The following SLC20A2 variants were observed in gnomAD, a reference collection of about 807,000 sequenced individuals.
SLC20A2 encodes the protein sodium-dependent phosphate transporter 2.
In SLC20A2, 30 loss-of-function variants were observed where a neutral mutation model predicts 61.0. That is an observed-to-expected ratio of 0.49 (90% CI 0.37 to 0.67). The LOEUF (loss-of-function observed/expected upper bound fraction) is 0.67, where lower values mean the gene tolerates loss of function less well. SLC20A2 is among the 30% of genes least tolerant of loss of function. The pLI is 0.00. For synonymous variants in SLC20A2, 351 were observed against 353.3 expected (o/e 0.99, Z 0.07); for missense variants, 626 against 866.4 (o/e 0.72, Z 3.48).
intron 1 of SLC20A2, among the ~76,000 whole-genome samples, chr8:42,488,832 T>C (rs991175964): frequency 1.3e-5 from 2 of 152,216 alleles, no homozygotes; most frequent in African/African-American, 4.8e-5. Context: ...CACATGCTTG[T>C]TGGCCATGTG....
intron 1 of SLC20A2, among the ~76,000 whole-genome samples, chr8:42,526,381 A>G (rs1397727818): frequency 6.6e-6 from 1 of 152,096 alleles, no homozygotes; most frequent in Non-Finnish European, 1.5e-5. Context: ...AGTCTTAGAA[A>G]CATCACAGCC....
Position 42,472,083 on chromosome 8 carries a change from T to C in SLC20A2, c.289+19A>G. The C allele has an allele frequency of 2.5e-6, 4 of 1,610,524 alleles. No individual in the cohort carries two copies. The highest frequency in any genetic ancestry group is 3.4e-6 in the Non-Finnish European group (4 of 1,178,416). ...TCAGTGGGCGGATGTCCCATCGGTA[T>C]AGAGAAGAGGCTACTCACCAACCAT... is the stretch of plus-strand genomic sequence containing the variant. On this transcript the variant is annotated intron_variant, in intron 2 of 10. Coordinates refer to ENST00000520262, the MANE Select transcript of SLC20A2 (RefSeq NM_001257180.2). This position sits in a 1 kb window ranked among gnomAD's most constrained non-coding sequence, Gnocchi z 4.1.
chr8:42,447,522 A>G (rs1243324760), intron 5 of SLC20A2, among the ~76,000 whole-genome samples: 1 of 141,524 alleles, frequency 7.1e-6, no homozygotes, highest in Non-Finnish European at 1.5e-5. Flanking sequence ...CTAAAAATAC[A>G]AAAAAATTAG....
intron 1 of SLC20A2, among the ~76,000 whole-genome samples, chr8:42,485,556 C>T (rs1472949946): frequency 4.1e-5 from 6 of 147,444 alleles, no homozygotes; most frequent in African/African-American, 5.1e-5. Context: ...GCAGGAGAAT[C>T]GCTTGAACCC....
intron 1 of SLC20A2, among the ~76,000 whole-genome samples, chr8:42,486,283 CGAT>C (rs1370152774): frequency 1.3e-5 from 2 of 151,926 alleles, no homozygotes; most frequent in African/African-American, 4.8e-5. Context: ...TGCAGTGGCA[CGAT>C]AATGGCTCAC....
At position 42,472,683 on chromosome 8, in the gene SLC20A2, A is replaced by G; in HGVS notation, c.-264-29T>C. On this transcript the variant is annotated intron_variant, in intron 1 of 10. Coordinates refer to ENST00000520262, the MANE Select transcript of SLC20A2 (RefSeq NM_001257180.2). The surrounding 1 kb of genome is among the most constrained non-coding windows in gnomAD (Gnocchi z 4.1). The stretch of plus-strand genomic sequence containing the variant: ...TAGCAGAAAGGAAACAAAAGAAATC[A>G]ATTATACTCAGCAACCTGTAACAGT... 3.0e-6 allele frequency: 1 copy of G among 337,342 alleles called. No homozygotes were observed. The highest frequency in any genetic ancestry group is 2.1e-5 in the African/African-American group (1 of 47,756). 20.9% of individuals were successfully genotyped at this position (337,342 alleles called of 1,614,324 possible). A position where few individuals can be genotyped will look rare whatever the true frequency, so the allele number is the denominator to read the frequency against.
intron 6 of SLC20A2, among the ~76,000 whole-genome samples, chr8:42,442,677 C>T (rs926350181): frequency 2.6e-5 from 4 of 152,142 alleles, no homozygotes; most frequent in Non-Finnish European, 2.9e-5. Flanking sequence ...CATCTAGTTT[C>T]TTTGACTTTC....
At chr8:42,445,072 A>G (rs1586050841) in intron 5 of SLC20A2, among the ~76,000 whole-genome samples, 2 of 152,152 alleles carry the variant, frequency 1.3e-5, no homozygotes, top group African/African-American at 4.8e-5. Flanking sequence ...TGGGAGGATC[A>G]CCTGAGGTCA....
chr8:42,528,887 G>A (rs781759989), intron 1 of SLC20A2, among the ~76,000 whole-genome samples: 40 of 151,964 alleles, frequency 2.6e-4, no homozygotes, highest in Middle Eastern at 6.8e-3. Context: ...GGCTGGTCTC[G>A]AACTCCTGAT....
intron 6 of SLC20A2, among the ~76,000 whole-genome samples, chr8:42,443,221 G>T (rs1211448747): frequency 7.9e-6 from 1 of 127,176 alleles, no homozygotes; most frequent in Non-Finnish European, 1.6e-5. Context: ...TTATACCACA[G>T]TATAATTATT....
At chr8:42,465,689 CAAAA>C (rs376182049) in intron 3 of SLC20A2, 84 bp downstream of exon 3, 784 of 1,057,276 alleles carry the variant, frequency 7.4e-4, no homozygotes, top group Admixed American at 1.2e-3. Flanking sequence ...CACTCCGGGT[CAAAA>C]AAAAAAAAAA....
At chr8:42,512,313 T>C (rs1011987232) in intron 1 of SLC20A2, among the ~76,000 whole-genome samples, 5 of 151,464 alleles carry the variant, frequency 3.3e-5, no homozygotes, top group Non-Finnish European at 5.9e-5. Flanking sequence ...TCTGGATAGA[T>C]CCAGATTTCT....
intron 1 of SLC20A2, among the ~76,000 whole-genome samples, chr8:42,527,037 G>A (rs1029410159): frequency 3.0e-4 from 45 of 151,324 alleles, no homozygotes; most frequent in African/African-American, 1.0e-3. Context: ...CCTGAGAATC[G>A]AGGCTGCAGT....
chr8:42,438,083 A>AAC, intron 7 of SLC20A2, among the ~76,000 whole-genome samples: 1 of 150,720 alleles, frequency 6.6e-6, no homozygotes, highest in East Asian at 1.9e-4. Flanking sequence ...AAAAAAAAAA[A>AAC]AAAAAACATG....
At chr8:42,536,173 T>C (rs1187028166) in intron 1 of SLC20A2, among the ~76,000 whole-genome samples, 1 of 152,234 alleles carries the variant, frequency 6.6e-6, no homozygotes, top group African/African-American at 2.4e-5. Context: ...TATAGGTCAA[T>C]ATTCATTATT....
At chr8:42,530,972 G>C (rs192672970) in intron 1 of SLC20A2, among the ~76,000 whole-genome samples, 9 of 152,082 alleles carry the variant, frequency 5.9e-5, no homozygotes, top group Non-Finnish European at 1.2e-4. Context: ...TGCCCGCCTC[G>C]GCCTCCCAAA....
At chr8:42,482,690 C>T (rs1028121099) in intron 1 of SLC20A2, among the ~76,000 whole-genome samples, 7 of 152,156 alleles carry the variant, frequency 4.6e-5, no homozygotes, top group African/African-American at 1.7e-4. Context: ...CCACTGCACT[C>T]CAGCCTGGAC....
At chr8:42,536,018 CTCTT>C (rs1319486614) in intron 1 of SLC20A2, among the ~76,000 whole-genome samples, 3 of 152,200 alleles carry the variant, frequency 2.0e-5, no homozygotes, top group Non-Finnish European at 4.4e-5. Context: ...GTATCATTCT[CTCTT>C]TCCCTAAAAG....
chr8:42,458,846 T>C (rs1010267597), intron 5 of SLC20A2, among the ~76,000 whole-genome samples: 9 of 148,374 alleles, frequency 6.1e-5, no homozygotes, highest in African/African-American at 2.3e-4. Context: ...GAGGCGGAGC[T>C]TGCAGTGAGC....
Sources: allele counts gnomAD v4.1 joint callset (sites outside exome capture counted in the v4.1 genomes callset), GRCh38; gene constraint gnomAD v4.1.1; non-coding constraint Gnocchi (gnomAD v3.1); transcripts MANE v1.5; gene names NCBI Gene and HGNC (gene_info 2026-07-23, HGNC 2026-07-21).